FYB1: variants seen among roughly 807,000 people sequenced by gnomAD.
The protein encoded by FYB1 is FYN-binding protein 1.
A neutral mutation model predicts 94.1 loss-of-function variants in FYB1; 41 were observed. That is an observed-to-expected ratio of 0.44 (90% CI 0.34 to 0.57). The LOEUF (loss-of-function observed/expected upper bound fraction) is 0.57. Among genes scored for constraint, FYB1 ranks in the 20% least tolerant of loss-of-function variants. The pLI, the probability that FYB1 is intolerant of heterozygous loss-of-function variation, is 0.02. For missense variants in FYB1, 1,050 were observed against 976.8 expected (o/e 1.07, Z -1.00); for synonymous variants, 367 against 353.2 (o/e 1.04, Z -0.44).
At chr5:39,140,582 A>G (rs528970749) in intron 4 of FYB1, among the ~76,000 whole-genome samples, 6 of 152,326 alleles carry the variant, frequency 3.9e-5, no homozygotes, top group African/African-American at 1.4e-4. Flanking sequence ...TTCAGGGTAT[A>G]TATCTTAAGG....
At chr5:39,170,041 G>A in intron 2 of FYB1, 1 of 803,106 alleles carries the variant, frequency 1.2e-6, no homozygotes. Flanking sequence ...AATAGGATGA[G>A]AGGCCTCCAC....
upstream of FYB1, among the ~76,000 whole-genome samples, chr5:39,220,896 C>G (rs901904916): frequency 6.6e-6 from 1 of 152,244 alleles, no homozygotes; most frequent in East Asian, 1.9e-4. Flanking sequence ...GGAGAAGAAG[C>G]AAAAGAAGAC....
At chr5:39,169,117 T>G in intron 2 of FYB1, 2 of 674,088 alleles carry the variant, frequency 3.0e-6, no homozygotes. Context: ...AATAATCTTG[T>G]GCACATTCTC....
intron 1 of FYB1, among the ~76,000 whole-genome samples, chr5:39,214,223 A>T (rs940030966): frequency 2.0e-4 from 31 of 152,234 alleles, no homozygotes; most frequent in Non-Finnish European, 3.4e-4. Flanking sequence ...GCTATAATTT[A>T]AAAAAAGCAG....
chr5:39,182,287 ATGTGTGTGTG>A (rs57111701), intron 2 of FYB1, among the ~76,000 whole-genome samples: 2,360 of 140,114 alleles, frequency 0.017, 27 homozygotes, highest in East Asian at 0.079. Flanking sequence ...GTGTGCATGC[ATGTGTGTGTG>A]TGTGTGTGTG....
At chr5:39,237,903 C>T (rs1751039949) in intron 1 of FYB1, among the ~76,000 whole-genome samples, 1 of 152,052 alleles carries the variant, frequency 6.6e-6, no homozygotes, top group African/African-American at 2.4e-5. Context: ...TTCGTATGAA[C>T]CTGTTTCAAT....
At chr5:39,208,707 C>T (rs1049990449) in intron 1 of FYB1, among the ~76,000 whole-genome samples, 3 of 152,132 alleles carry the variant, frequency 2.0e-5, no homozygotes, top group African/African-American at 7.2e-5. Flanking sequence ...GCAGCCAGGG[C>T]GGGTGAAGAC....
At chr5:39,154,472 GA>G (rs1248478372) in intron 2 of FYB1, among the ~76,000 whole-genome samples, 6 of 150,108 alleles carry the variant, frequency 4.0e-5, no homozygotes, top group African/African-American at 1.5e-4. Flanking sequence ...GAGTACAAAT[GA>G]GGTCATTTTT....
chr5:39,191,483 A>AT (rs1747356479), intron 2 of FYB1, among the ~76,000 whole-genome samples: 1 of 152,092 alleles, frequency 6.6e-6, no homozygotes, highest in African/African-American at 2.4e-5. Context: ...TTTGGTTTCG[A>AT]TTTTTTTCTA....
intron 1 of FYB1, among the ~76,000 whole-genome samples, chr5:39,273,223 T>C (rs969431205): frequency 1.3e-5 from 2 of 152,182 alleles, no homozygotes; most frequent in South Asian, 2.1e-4. Flanking sequence ...GGGGAAAAGA[T>C]TGAGAAATCG....
intron 1 of FYB1, among the ~76,000 whole-genome samples, chr5:39,259,829 C>T (rs1051232207): frequency 1.3e-5 from 2 of 151,924 alleles, no homozygotes; most frequent in Non-Finnish European, 2.9e-5. Flanking sequence ...ATCATTAAAA[C>T]AAAAACTCAA....
At chr5:39,153,691 AAATAATTTGGC>A in intron 2 of FYB1, 87 bp from the exon 3 acceptor site, 2 of 1,350,190 alleles carry the variant, frequency 1.5e-6, no homozygotes, top group Non-Finnish European at 2.0e-6. Context: ...GCTACAGATA[AAATAATTTGGC>A]AAAAATTAAC....
At chr5:39,143,346 T>C (rs10061639) in intron 3 of FYB1, among the ~76,000 whole-genome samples, 39,696 of 152,036 alleles carry the variant, frequency 0.26, 5,570 homozygotes, top group African/African-American at 0.37. Flanking sequence ...CATCTTCAGT[T>C]CCATGTCAAA....
At chr5:39,157,972 G>C (rs1212455985) in intron 2 of FYB1, among the ~76,000 whole-genome samples, 3 of 152,150 alleles carry the variant, frequency 2.0e-5, no homozygotes, top group Admixed American at 1.3e-4. Flanking sequence ...GGAGATCAAG[G>C]CTTCAAGAAG....
chr5:39,202,402 G>T lies in FYB1; in HGVS notation c.559C>A (p.Leu187Ile), dbSNP rs758436633. ...TTGGGGAAGAGGGGCTTGGGTTCAA[G>T]ATCTTGTGATGCTGACATAAATTTC... ...KGKFMSASQD[L>I]EPKPLFPKPA... is the part of the protein sequence containing the mutation. The change falls in exon 2 of 19, where the codon CTT becomes ATT. Residue 187 changes from leucine to isoleucine, a missense_variant. Transcript: ENST00000512982. 6.2e-7 allele frequency: 1 copy of T among 1,613,610 alleles called. No individual in the cohort carries two copies.
chr5:39,215,891 G>T (rs958838097), intron 1 of FYB1, among the ~76,000 whole-genome samples: 1 of 152,144 alleles, frequency 6.6e-6, no homozygotes, highest in African/African-American at 2.4e-5. Context: ...ATCATGCAAC[G>T]GAATCATTCT....
intron 2 of FYB1, among the ~76,000 whole-genome samples, chr5:39,179,743 T>C (rs879594009): frequency 6.6e-6 from 1 of 152,042 alleles, no homozygotes; most frequent in Non-Finnish European, 1.5e-5. Context: ...CCTCCCAAAG[T>C]GTTGAGATTA....
chr5:39,141,386 C>A lies in FYB1; in HGVS notation c.1293-245G>T, dbSNP rs555808639. On this transcript the variant is annotated intron_variant, in intron 3 of 18. Transcript: ENST00000512982. ...TCATAGTAGACTCATACAATTAATC[C>A]GTTGCTTCTGGAGGGTAATATGTTT... Among the ~76,000 whole-genome samples, 18 of 152,294 alleles carry A rather than the reference C, an allele frequency of 1.2e-4. 1 individual carries two copies. The South Asian group carries it at 3.3e-3, about 28-fold the overall frequency.
Position 39,202,758 on chromosome 5 carries a change from G to A in FYB1, c.203C>T (p.Pro68Leu), listed in dbSNP as rs765588986. The change falls in exon 2 of 19, where the codon CCT becomes CTT. Residue 68 changes from proline to leucine, a missense_variant. By Grantham distance (98) the Pro-to-Leu change is moderately conservative. Transcript: ENST00000512982. ...GSPKPPVAVK[P>L]SSEEKPDKEP... ...CTTGTCAGGCTTTTCCTCAGAAGAA[G>A]GTTTGACTGCCACAGGTGGCTTTGG... is the stretch of plus-strand genomic sequence containing the variant. The A allele has an allele frequency of 1.2e-6, 2 of 1,613,928 alleles. No homozygotes were observed. The highest frequency in any genetic ancestry group is 8.5e-7 in the Non-Finnish European group (1 of 1,179,870).
Sources: gnomAD v4.1 joint callset for allele counts (sites outside exome capture counted in the v4.1 genomes callset) on GRCh38, gnomAD v4.1.1 for gene constraint, MANE v1.5 for transcripts, NCBI Gene and HGNC (gene_info 2026-07-23, HGNC 2026-07-21) for gene names.